Variants in TNK2 observed in about 807,000 individuals in gnomAD.
TNK2 encodes tyrosine kinase non receptor 2.
A neutral mutation model predicts 101.8 loss-of-function variants in TNK2; 83 were observed. The observed-to-expected ratio is 0.82, with a 90% CI of 0.68 to 0.98. The LOEUF (loss-of-function observed/expected upper bound fraction) is 0.98, where lower values mean the gene tolerates loss of function less well. Ranked by LOEUF, TNK2 falls within the 50% of genes least tolerant of loss-of-function variation. TNK2 has a pLI of 0.00. For synonymous variants in TNK2, 804 were observed against 633.0 expected (o/e 1.27, Z -4.06); for missense variants, 1,665 against 1,483.2 (o/e 1.12, Z -2.01).
intron 2 of TNK2, among the ~76,000 whole-genome samples, chr3:195,887,972 G>A (rs1021801969): frequency 2.0e-5 from 3 of 149,344 alleles, no homozygotes; most frequent in African/African-American, 7.5e-5. Context: ...GTGTGTGTGT[G>A]TGTATGCCTG....
At chr3:195,904,649 C>A (rs1761549547) in intron 1 of TNK2, among the ~76,000 whole-genome samples, 1 of 152,126 alleles carries the variant, frequency 6.6e-6, no homozygotes, top group Non-Finnish European at 1.5e-5. Flanking sequence ...TTTACCACCA[C>A]TGCAGATGGT....
At chr3:195,892,791 C>A (rs921673827) in intron 1 of TNK2, 3 of 1,177,486 alleles carry the variant, frequency 2.5e-6, no homozygotes, top group Non-Finnish European at 2.1e-6. Flanking sequence ...CAACTGCCCG[C>A]CCGGCCGCCC....
chr3:195,866,124 A>G (rs1211671470), intron 15 of TNK2, among the ~76,000 whole-genome samples: 2 of 152,176 alleles, frequency 1.3e-5, no homozygotes, highest in East Asian at 3.8e-4. Flanking sequence ...TTATATATGT[A>G]TATATTTTAA....
rs760609257 is a variant in TNK2 at position 195,882,594 on chromosome 3, AC to A, written c.610-267del. 139 of 1,406,540 alleles carry A rather than the reference AC, an allele frequency of 9.9e-5. No homozygotes were observed. The Middle Eastern group carries it at 1.3e-3, about 13-fold the overall frequency. The allele number at this position is 1,406,540 out of a possible 1,614,324, so 87.1% of individuals were successfully genotyped here. On this transcript the variant is annotated intron_variant, in intron 5 of 15. Coordinates refer to ENST00000672887, the MANE Select transcript of TNK2 (RefSeq NM_001382273.1). The surrounding 1 kb of genome is among the most constrained non-coding windows in gnomAD (Gnocchi z 4.2). ...AAAACTCAGCTGGACGTGGTGGCTC[AC>A]GCCTGTAATCCCAGCACTTTGGGAG... is the stretch of plus-strand genomic sequence containing the variant.
In TNK2 at chr3:195,868,209, G is replaced by C. The variant is rs1742252934; in HGVS notation, c.2089C>G (p.Pro697Ala). 6.2e-7 allele frequency: 1 copy of C among 1,608,078 alleles called. No homozygotes were observed. The highest frequency in any genetic ancestry group is 8.5e-7 in the Non-Finnish European group (1 of 1,178,982). ...FVPEQARPPP[P>A]LEDNLFLPPQ... ...GGGAGGAACAGGTTGTCCTCCAGGG[G>C]AGGGGGCGGCCGCGCCTGCTCAGGC... The change falls in exon 13 of 16, where the codon CCC becomes GCC. Residue 697 changes from proline to alanine, a missense_variant. This residue lies in a region of TNK2 where 1,136 missense variants were observed against 894.9 expected (regional missense o/e 1.27). Transcript: ENST00000672887.
chr3:195,872,177 C>G, intron 10 of TNK2, 99 bp downstream of exon 10: 4 of 1,355,518 alleles, frequency 3.0e-6, no homozygotes, highest in South Asian at 2.9e-5. Flanking sequence ...GAAGCCCGGG[C>G]GAAAGGGTGA....
chr3:195,872,160 G>A (rs898408476), intron 10 of TNK2, 116 bp downstream of exon 10: 37 of 1,202,796 alleles, frequency 3.1e-5, no homozygotes, highest in Admixed American at 1.6e-4. Flanking sequence ...GTGGCGGGTC[G>A]GGGGCTGAAG....
At chr3:195,871,119 G>A (rs954567873) in intron 10 of TNK2, among the ~76,000 whole-genome samples, 1 of 151,918 alleles carries the variant, frequency 6.6e-6, no homozygotes, top group Admixed American at 6.6e-5. Context: ...GTCAGCAGGA[G>A]AAGGGCTGCA....
chr3:195,885,316 A>G lies in TNK2; in HGVS notation c.235-283T>C. The G allele has an allele frequency of 7.3e-7, 1 of 1,369,244 alleles. No individual in the cohort carries two copies. The highest frequency in any genetic ancestry group is 2.8e-5 in the East Asian group (1 of 36,154). The allele number at this position is 1,369,244 out of a possible 1,614,324, so 84.8% of individuals were successfully genotyped here. ...AGCGGCCCCACACCCAGCTGTGTGGAGAGGGAGGGCACCGCCCAGCCAAGG... is the reference window on the plus strand; with the variant it reads ...AGCGGCCCCACACCCAGCTGTGTGGGGAGGGAGGGCACCGCCCAGCCAAGG... On this transcript the variant is annotated intron_variant, in intron 3 of 15. Coordinates refer to ENST00000672887, the MANE Select transcript of TNK2 (RefSeq NM_001382273.1). The surrounding 1 kb of genome is among the most constrained non-coding windows in gnomAD (Gnocchi z 4.7).
At chr3:195,889,547 C>T (rs1757523395) in intron 1 of TNK2, among the ~76,000 whole-genome samples, 1 of 152,252 alleles carries the variant, frequency 6.6e-6, no homozygotes, top group South Asian at 2.1e-4. Flanking sequence ...CCATACCATT[C>T]TGTTCCCTGA....
In TNK2 at chr3:195,868,601, G is replaced by C. The variant is rs779066289; in HGVS notation, c.1697C>G (p.Pro566Arg). 10 of 1,581,542 alleles carry C rather than the reference G, an allele frequency of 6.3e-6. No homozygotes were observed. Among genetic ancestry groups the C allele is most frequent in the Non-Finnish European group, 8.5e-6 (10 of 1,172,812 alleles). ...CTTGGTGCCCGGCACCCGCGCCGAG[G>C]GCTTCGCCAGCCACAGCCCTCGGGG... ...GLPRGLWLAK[P>R]SARVPGTKAS... The change falls in exon 13 of 16, where the codon CCC becomes CGC. Residue 566 changes from proline (P) to arginine (R), a missense_variant. This residue lies in a region of TNK2 where 1,136 missense variants were observed against 894.9 expected (regional missense o/e 1.27). Transcript: ENST00000672887.
At chr3:195,907,439 C>T (rs1451511611) in intron 1 of TNK2, among the ~76,000 whole-genome samples, 1 of 152,240 alleles carries the variant, frequency 6.6e-6, no homozygotes, top group Non-Finnish European at 1.5e-5. Flanking sequence ...CTCACAGCCA[C>T]ACCTCGGGCT....
At position 195,867,849 on chromosome 3, in the gene TNK2, G is replaced by C; in HGVS notation, c.2449C>G (p.Pro817Ala). The part of the protein sequence containing the change: ...PSPLVPPGSS[P>A]LPPRLSSSPG... ...GAGCTTGAGAGCCGGGGTGGCAGCG[G>C]GGAGCTGCCAGGTGGTACCAGGGGG... Residue 817 changes from proline to alanine, a missense_variant, in exon 13 of 16, where the codon CCG becomes GCG. By Grantham distance (27) the Pro-to-Ala change is conservative. Coordinates refer to ENST00000672887, the MANE Select transcript of TNK2 (RefSeq NM_001382273.1). 6.5e-7 allele frequency: 1 copy of C among 1,534,676 alleles called. No homozygotes were observed. Among genetic ancestry groups the C allele is most frequent in the South Asian group, 1.3e-5 (1 of 77,796 alleles).
Position 195,864,020 on chromosome 3 carries a change from G to A in TNK2, c.*161C>T, listed in dbSNP as rs1344021591. The A allele has an allele frequency of 1.4e-5, 13 of 897,110 alleles. No homozygotes were observed. The highest frequency in any genetic ancestry group is 2.3e-5 in the Non-Finnish European group (13 of 570,768). The allele number at this position is 897,110 out of a possible 1,614,324, so 55.6% of individuals were successfully genotyped here. On this transcript the variant is annotated 3_prime_UTR_variant, in exon 16 of 16. Transcript: ENST00000672887. ...CGCTGGTGCAGGAGGGATGGGCAGGGCAGGGCTCCCAGCCTCCCGCAGCCT... is the reference window on the plus strand; with the variant it reads ...CGCTGGTGCAGGAGGGATGGGCAGGACAGGGCTCCCAGCCTCCCGCAGCCT...
rs757323414 is a variant in TNK2 at position 195,868,726 on chromosome 3, G to A, written c.1589-17C>T. Reference sequence around the variant, plus strand: ...AGGTTGGTTCTGTGATGGAAAGGGAGAGCCCAACAGGAAGGCAGTCAGGCA... The same window carrying A: ...AGGTTGGTTCTGTGATGGAAAGGGAAAGCCCAACAGGAAGGCAGTCAGGCA... On this transcript the variant is annotated splice_polypyrimidine_tract_variant and intron_variant, in intron 12 of 15. Transcript: ENST00000672887. 2 of 1,531,812 alleles carry A rather than the reference G, an allele frequency of 1.3e-6. No homozygotes were observed. Among genetic ancestry groups the A allele is most frequent in the South Asian group, 1.2e-5 (1 of 83,760 alleles). 94.9% of individuals were successfully genotyped at this position (1,531,812 alleles called of 1,614,324 possible).
In TNK2 at chr3:195,888,622, T is replaced by C. The variant is rs774464543; in HGVS notation, c.-18-16A>G. 11 of 1,598,052 alleles carry C rather than the reference T, an allele frequency of 6.9e-6. No homozygotes were observed. In the African/African-American group the frequency reaches 1.2e-4, roughly 18 times the overall value. On this transcript the variant is annotated splice_polypyrimidine_tract_variant and intron_variant, in intron 1 of 15. Transcript: ENST00000672887. The surrounding 1 kb of genome is among the most constrained non-coding windows in gnomAD (Gnocchi z 5.3). ...CTCCCAGCCTCTGTGGGGGGAGGAGTGGCTCAGGGACAAGGGTTGTGGGGG... is the reference window on the plus strand; with the variant it reads ...CTCCCAGCCTCTGTGGGGGGAGGAGCGGCTCAGGGACAAGGGTTGTGGGGG...
At chr3:195,892,234 G>A (rs1168094372) in intron 1 of TNK2, among the ~76,000 whole-genome samples, 1 of 152,186 alleles carries the variant, frequency 6.6e-6, no homozygotes, top group Non-Finnish European at 1.5e-5. Flanking sequence ...AAACACACAG[G>A]CCAAGAAGAA....
At chr3:195,874,328 C>A (rs1747594271) in intron 9 of TNK2, among the ~76,000 whole-genome samples, 1 of 152,250 alleles carries the variant, frequency 6.6e-6, no homozygotes, top group Non-Finnish European at 1.5e-5. Context: ...CCTTTGGGAC[C>A]CACTTCTGAG....
intron 1 of TNK2, among the ~76,000 whole-genome samples, chr3:195,890,454 G>GTTTT (rs58431049): frequency 5.0e-5 from 6 of 119,176 alleles, no homozygotes; most frequent in African/African-American, 9.6e-5. Context: ...TAGTTTTTTG[G>GTTTT]TTTTTTTTTT....
Sources: allele counts gnomAD v4.1 joint callset (sites outside exome capture counted in the v4.1 genomes callset), GRCh38; gene constraint gnomAD v4.1.1; regional missense constraint gnomAD v4.1.1; non-coding constraint Gnocchi (gnomAD v3.1); transcripts MANE v1.5; gene names NCBI Gene and HGNC (gene_info 2026-07-23, HGNC 2026-07-21).